ZNF213: variants seen among roughly 807,000 people sequenced by gnomAD.
The protein encoded by ZNF213 is putative transcription factor CR53.
Under a neutral mutation model 46.0 loss-of-function variants are expected in ZNF213, and 32 were observed. That is an observed-to-expected ratio of 0.70 (90% CI 0.52 to 0.93). The LOEUF (loss-of-function observed/expected upper bound fraction) is 0.93, where lower values mean the gene tolerates loss of function less well. Ranked by LOEUF, ZNF213 falls within the 40% of genes least tolerant of loss-of-function variation. ZNF213 has a pLI of 0.00. For missense variants in ZNF213, 639 were observed against 652.8 expected, an observed-to-expected ratio of 0.98 and a Z score of 0.23; for synonymous variants, 297 against 271.0, an observed-to-expected ratio of 1.10 and a Z score of -0.94.
In ZNF213 at chr16:3,137,257, A is replaced by T. The variant is rs1453419221; in HGVS notation, c.-24A>T. The T allele has an allele frequency of 6.4e-7, 1 of 1,553,918 alleles. No individual in the cohort carries two copies. The highest frequency in any genetic ancestry group is 2.3e-5 in the East Asian group (1 of 44,362). On this transcript the variant is annotated 5_prime_UTR_variant, in exon 2 of 6. Coordinates refer to ENST00000396878, the MANE Select transcript of ZNF213 (RefSeq NM_004220.3). ...TCTGGGGCCCAGGTTGAAGCCGACC[A>T]ACCCTGAGCCTCAGGCCAGGGGAAT...
Position 3,141,494 on chromosome 16 carries a change from T to A in ZNF213, c.*147T>A. The A allele has an allele frequency of 1.1e-6, 1 of 946,126 alleles. No homozygotes were observed. Among genetic ancestry groups the A allele is most frequent in the Non-Finnish European group, 1.5e-6 (1 of 659,742 alleles). 58.6% of individuals were successfully genotyped at this position (946,126 alleles called of 1,614,324 possible). A position where few individuals can be genotyped will look rare whatever the true frequency, so the allele number is the denominator to read the frequency against. ...CCTCACACTCGGAGCTCGCCTGCCC[T>A]GCTTGGCTCTGAGGACCTGCCCAGC... is the stretch of plus-strand genomic sequence containing the variant. On this transcript the variant is annotated 3_prime_UTR_variant, in exon 6 of 6. Transcript: ENST00000396878.
Position 3,142,268 on chromosome 16 carries a change from T to G in ZNF213, c.*921T>G. On this transcript the variant is annotated 3_prime_UTR_variant, in exon 6 of 6. Coordinates refer to ENST00000396878, the MANE Select transcript of ZNF213 (RefSeq NM_004220.3). ...CGGCGCCCCACTCCATCGGCCCCGC[T>G]CCATCGGCACTAATGCCCCACTCGG... 4.8e-6 allele frequency: 1 copy of G among 207,768 alleles called. No homozygotes were observed. Among genetic ancestry groups the G allele is most frequent in the Non-Finnish European group, 9.9e-6 (1 of 100,864 alleles). The allele number at this position is 207,768 out of a possible 1,614,324, so 12.9% of individuals were successfully genotyped here.
chr16:3,139,159 C>T, intron 5 of ZNF213, 61 bp downstream of exon 5: 18 of 1,594,388 alleles, frequency 1.1e-5, no homozygotes, highest in Non-Finnish European at 1.5e-5. Flanking sequence ...GAACTTCAGT[C>T]TTGTTTCCCA....
At chr16:3,139,203 C>T in intron 5 of ZNF213, 105 bp downstream of exon 5, 1 of 1,505,578 alleles carries the variant, frequency 6.6e-7, no homozygotes, top group South Asian at 1.3e-5. Flanking sequence ...GCAGGCTCTC[C>T]CTAGGTCTTG....
In ZNF213 at chr16:3,141,205, G is replaced by C; in HGVS notation, c.1238G>C (p.Arg413Pro). ...CSDCGKSFSL[R>P]SYLLDHRRVH... ...GACTGCGGCAAGAGCTTCTCGCTGCGCTCCTACCTGCTGGACCATCGGCGT... is the reference window on the plus strand; with the variant it reads ...GACTGCGGCAAGAGCTTCTCGCTGCCCTCCTACCTGCTGGACCATCGGCGT... Residue 413 changes from arginine to proline, a missense_variant, in exon 6 of 6, where the codon CGC becomes CCC. Transcript: ENST00000396878. 6.2e-7 allele frequency: 1 copy of C among 1,612,512 alleles called. No individual in the cohort carries two copies. Among genetic ancestry groups the C allele is most frequent in the Non-Finnish European group, 8.5e-7 (1 of 1,179,926 alleles).
rs749101609 is a variant in ZNF213, at chr16:3,138,453, A to C, written c.435A>C (p.Ala145=). The change falls in exon 3 of 6, where the codon GCA becomes GCC. Residue 145 remains alanine, a synonymous_variant. Coordinates refer to ENST00000396878, the MANE Select transcript of ZNF213 (RefSeq NM_004220.3). The part of the protein sequence containing the change: ...VPSEEAEPEA[A]GRGSQATGPP... ...CGGAGGAGGCGGAACCCGAGGCTGC[A>C]GGCCGGGGATCCCAGGCCACGGGGC... The C allele has an allele frequency of 1.9e-6, 3 of 1,613,006 alleles. No homozygotes were observed. Among genetic ancestry groups the C allele is most frequent in the African/African-American group, 2.7e-5 (2 of 74,904 alleles).
chr16:3,139,904 C>T (rs1385013685), intron 5 of ZNF213: 2 of 152,128 alleles, frequency 1.3e-5, no homozygotes, highest in African/African-American at 4.8e-5. Context: ...CCATGCCCGG[C>T]TAATTTTTTT....
Position 3,141,277 on chromosome 16 carries a change from G to C in ZNF213, c.1310G>C (p.Ser437Thr). The C allele has an allele frequency of 6.2e-7, 1 of 1,611,286 alleles. No homozygotes were observed. The highest frequency in any genetic ancestry group is 1.3e-5 in the African/African-American group (1 of 75,066). Residue 437 changes from serine (S) to threonine (T), a missense_variant, in exon 6 of 6, where the codon AGC (serine) becomes ACC (threonine). Coordinates refer to ENST00000396878, the MANE Select transcript of ZNF213 (RefSeq NM_004220.3). Reference protein sequence around the residue: ...RPFGCGECDKSFKQRAHLIAH... With the variant: ...RPFGCGECDKTFKQRAHLIAH... ...TTCGGCTGCGGAGAGTGCGACAAGA[G>C]CTTCAAGCAGCGCGCGCACCTCATC...
At position 3,138,998 on chromosome 16, in the gene ZNF213, C is replaced by T; in HGVS notation, c.621C>T (p.Ile207=). The part of the protein sequence containing the change: ...GVHGPVALGD[I]PFYFSREEWG... ...AGGGACCTGTGGCATTGGGAGACAT[C>T]CCATTCTATTTCTCCCGGGAAGAAT... Residue 207 remains isoleucine, a synonymous_variant, in exon 5 of 6, where the codon ATC becomes ATT. Coordinates refer to ENST00000396878, the MANE Select transcript of ZNF213 (RefSeq NM_004220.3). 1 of 1,614,216 alleles carries T rather than the reference C, an allele frequency of 6.2e-7. No homozygotes were observed. Among genetic ancestry groups the T allele is most frequent in the Non-Finnish European group, 8.5e-7 (1 of 1,180,032 alleles).
rs537354809 is a variant in ZNF213 at position 3,142,240 on chromosome 16, A to G, written c.*893A>G. ...CCTGCTCCATCGGCACTAATGCTCCACTCGGCGCCCCACTCCATCGGCCCC... is the reference window on the plus strand; with the variant it reads ...CCTGCTCCATCGGCACTAATGCTCCGCTCGGCGCCCCACTCCATCGGCCCC... On this transcript the variant is annotated 3_prime_UTR_variant, in exon 6 of 6. Coordinates refer to ENST00000396878, the MANE Select transcript of ZNF213 (RefSeq NM_004220.3). The G allele has an allele frequency of 1.6e-4, 17 of 109,324 alleles. No homozygotes were observed. The highest frequency in any genetic ancestry group is 7.8e-4 in the South Asian group (7 of 8,968). 6.8% of individuals were successfully genotyped at this position (109,324 alleles called of 1,614,324 possible). A position where few individuals can be genotyped will look rare whatever the true frequency, so the allele number is the denominator to read the frequency against.
chr16:3,140,955 TCGGACCTGGCG>T lies in ZNF213; in HGVS notation c.992_1002del (p.Asp331AlafsTer15). The T allele has an allele frequency of 6.2e-7, 1 of 1,604,482 alleles. No individual in the cohort carries two copies. The highest frequency in any genetic ancestry group is 1.1e-5 in the South Asian group (1 of 90,606). On this transcript the variant is annotated frameshift_variant, in exon 6 of 6. Transcript: ENST00000396878. LOFTEE classifies it high-confidence loss of function. ...GTGTGGAAAGCGCTTCCGCTGGGGCTCGGACCTGGCGCGGCACCAGCGCACGCACACGGGCG... is the reference window on the plus strand; with the variant it reads ...GTGTGGAAAGCGCTTCCGCTGGGGCTCGGCACCAGCGCACGCACACGGGCG...
At chr16:3,139,177 C>A in intron 5 of ZNF213, 79 bp downstream of exon 5, 1 of 1,566,122 alleles carries the variant, frequency 6.4e-7, no homozygotes, top group Non-Finnish European at 8.6e-7. Flanking sequence ...CCACCCCATC[C>A]TTAGCTGGTT....
rs1405775209 is a variant in ZNF213, at chr16:3,135,079, G to A, written c.-424G>A. ...CGGCGGAAGTGGGATCTCCTGGGCC[G>A]TAGTGGGCGTTGTGTGTTTCGGGGG... On this transcript the variant is annotated 5_prime_UTR_variant, in exon 1 of 6. Transcript: ENST00000396878. The A allele has an allele frequency of 6.8e-5, 10 of 146,678 alleles. No homozygotes were observed. The highest frequency in any genetic ancestry group is 1.2e-4 in the Non-Finnish European group (8 of 66,060). The allele number at this position is 146,678 out of a possible 1,614,324, so 9.1% of individuals were successfully genotyped here. A position where few individuals can be genotyped will look rare whatever the true frequency, so the allele number is the denominator to read the frequency against.
intron 2 of ZNF213, chr16:3,138,197 A>G (rs757441586): frequency 3.7e-5 from 32 of 868,904 alleles, no homozygotes; most frequent in Non-Finnish European, 5.0e-5. Context: ...CTGGCCTTTC[A>G]GGGCTGGTTC....
chr16:3,138,589 C>A (rs768870750), intron 3 of ZNF213, 48 bp downstream of exon 3: 15 of 1,613,060 alleles, frequency 9.3e-6, no homozygotes, highest in East Asian at 2.2e-5. Context: ...TGGGCAGGGA[C>A]CTAGCTTTGT....
intron 4 of ZNF213, 61 bp from the exon 5 acceptor site, chr16:3,138,914 C>T: frequency 6.2e-7 from 1 of 1,613,716 alleles, no homozygotes; most frequent in South Asian, 1.1e-5. Context: ...TTCATCTGAC[C>T]CATCCTGTCC....
At chr16:3,137,067 G>A in intron 1 of ZNF213, 99 bp from the exon 2 acceptor site, 1 of 578,152 alleles carries the variant, frequency 1.7e-6, no homozygotes, top group Admixed American at 3.5e-5. Context: ...AGGCTTCAGG[G>A]CCATGAAAGG....
At chr16:3,135,607 G>C (rs1484529053) in intron 1 of ZNF213, among the ~76,000 whole-genome samples, 1 of 152,184 alleles carries the variant, frequency 6.6e-6, no homozygotes, top group Non-Finnish European at 1.5e-5. Flanking sequence ...TGTCTGTGCA[G>C]TAAGGTCTCA....
Position 3,135,113 on chromosome 16 carries a change from G to C in ZNF213, c.-390G>C, listed in dbSNP as rs1381954555. 1 of 145,938 alleles carries C rather than the reference G, an allele frequency of 6.9e-6. No homozygotes were observed. The highest frequency in any genetic ancestry group is 6.7e-5 in the Admixed American group (1 of 14,856). 9.0% of individuals were successfully genotyped at this position (145,938 alleles called of 1,614,324 possible). On this transcript the variant is annotated 5_prime_UTR_variant, in exon 1 of 6. Coordinates refer to ENST00000396878, the MANE Select transcript of ZNF213 (RefSeq NM_004220.3). Reference sequence around the variant, plus strand: ...GTTGTGTGTTTCGGGGGCGGGGGCGGGGGCGGGGGCCGGGGCGGGGACGGG... The same window carrying C: ...GTTGTGTGTTTCGGGGGCGGGGGCGCGGGCGGGGGCCGGGGCGGGGACGGG...
Sources: gnomAD v4.1 joint callset for allele counts (sites outside exome capture counted in the v4.1 genomes callset) on GRCh38, gnomAD v4.1.1 for gene constraint, MANE v1.5 for transcripts, NCBI Gene and HGNC (gene_info 2026-07-23, HGNC 2026-07-21) for gene names.